The following PELI1 variants were observed in gnomAD, a reference collection of about 807,000 sequenced individuals.
PELI1 encodes pellino E3 ubiquitin protein ligase 1.
PELI1 carries 15 observed loss-of-function variants against 41.3 expected under a neutral mutation model. The ratio of observed to expected loss-of-function variants is 0.36; its 90% CI spans 0.24 to 0.56. The LOEUF (loss-of-function observed/expected upper bound fraction) is 0.56. PELI1 is among the 20% of genes least tolerant of loss of function. The pLI is 0.82. For synonymous variants in PELI1, 178 were observed against 180.1 expected (o/e 0.99, Z 0.09); for missense variants, 403 against 525.5 (o/e 0.77, Z 2.28).
chr2:64,134,400 C>T (rs1196350889), intron 1 of PELI1, among the ~76,000 whole-genome samples: 2 of 152,076 alleles, frequency 1.3e-5, no homozygotes, highest in Non-Finnish European at 2.9e-5. Context: ...ATCCTAGTTC[C>T]TTTGGAGAAC....
At chr2:64,102,246 A>G (rs1014125450) in intron 3 of PELI1, among the ~76,000 whole-genome samples, 1 of 143,394 alleles carries the variant, frequency 7.0e-6, no homozygotes, top group Admixed American at 6.9e-5. Context: ...GATCATTTAC[A>G]TGCATGTTTT....
At chr2:64,102,052 CCT>C (rs1343258371) in intron 3 of PELI1, among the ~76,000 whole-genome samples, 2 of 152,050 alleles carry the variant, frequency 1.3e-5, no homozygotes, top group African/African-American at 4.8e-5. Flanking sequence ...GTCTCGAACT[CCT>C]GACCTCGTGA....
chr2:64,138,682 G>A (rs541827256), intron 1 of PELI1, among the ~76,000 whole-genome samples: 16 of 152,212 alleles, frequency 1.1e-4, no homozygotes, highest in East Asian at 5.8e-4. Flanking sequence ...ACCTGAGATC[G>A]CCCCACTGCA....
Position 64,100,507 on chromosome 2 carries a change from T to A in PELI1, c.202-8A>T. On this transcript the variant is annotated splice_region_variant and splice_polypyrimidine_tract_variant and intron_variant, in intron 3 of 6. Coordinates refer to ENST00000358912, the MANE Select transcript of PELI1 (RefSeq NM_020651.4). ...GTCTTTGTTGCTTATTGCCTAAGAA[T>A]GAAAAAGTTAATAGCAAAAATTAGT... 2 of 1,455,422 alleles carry A rather than the reference T, an allele frequency of 1.4e-6. No individual in the cohort carries two copies. The highest frequency in any genetic ancestry group is 1.9e-6 in the Non-Finnish European group (2 of 1,037,270). 90.2% of individuals were successfully genotyped at this position (1,455,422 alleles called of 1,614,324 possible).
intron 3 of PELI1, among the ~76,000 whole-genome samples, chr2:64,102,869 G>A (rs1029519082): frequency 3.4e-5 from 5 of 146,228 alleles, no homozygotes; most frequent in African/African-American, 7.6e-5. Context: ...CTGAGACAGG[G>A]TCTCACTCTG....
At chr2:64,120,792 A>T (rs1032172786) in intron 1 of PELI1, among the ~76,000 whole-genome samples, 14 of 152,198 alleles carry the variant, frequency 9.2e-5, no homozygotes, top group African/African-American at 3.1e-4. Context: ...ATCTTTTTTT[A>T]AAAAAGTAGT....
intron 3 of PELI1, among the ~76,000 whole-genome samples, chr2:64,102,203 T>C (rs75845877): frequency 0.079 from 11,980 of 152,166 alleles, 710 homozygotes; most frequent in African/African-American, 0.17. Flanking sequence ...CCCTTTTCTC[T>C]ACAGAGGTAT....
chr2:64,100,090 G>A (rs1040529860), intron 4 of PELI1, among the ~76,000 whole-genome samples: 3 of 152,204 alleles, frequency 2.0e-5, no homozygotes, highest in Non-Finnish European at 4.4e-5. Flanking sequence ...GCACAGTGCT[G>A]AGTACTCTAC....
chr2:64,129,515 T>G (rs1681488200), intron 1 of PELI1, among the ~76,000 whole-genome samples: 1 of 152,284 alleles, frequency 6.6e-6, no homozygotes, highest in South Asian at 2.1e-4. Flanking sequence ...TTCAAACAAG[T>G]TTTGTCTAAT....
intron 1 of PELI1, among the ~76,000 whole-genome samples, chr2:64,113,428 T>C (rs1680889905): frequency 6.6e-6 from 1 of 152,206 alleles, no homozygotes; most frequent in Admixed American, 6.5e-5. Flanking sequence ...TTTGACCTCA[T>C]GTATTCAGCC....
Position 64,095,164 on chromosome 2 carries a change from C to T in PELI1, c.795G>A (p.Val265=). The T allele has an allele frequency of 6.2e-7, 1 of 1,614,154 alleles. No homozygotes were observed. Among genetic ancestry groups the T allele is most frequent in the South Asian group, 1.1e-5 (1 of 91,082 alleles). ...TAEGLSHTPT[V]KHLEALRQEI... is the part of the protein sequence containing the mutation. ...CCTGTCTTAAAGCTTCTAAATGCTT[C>T]ACGGTAGGAGTGTGGGAAAGGCCTT... Residue 265 remains valine (V), a synonymous_variant, in exon 7 of 7, where the codon GTG becomes GTA. Coordinates refer to ENST00000358912, the MANE Select transcript of PELI1 (RefSeq NM_020651.4).
chr2:64,139,283 G>C (rs933720714), intron 1 of PELI1, among the ~76,000 whole-genome samples: 2 of 151,994 alleles, frequency 1.3e-5, no homozygotes, highest in Non-Finnish European at 2.9e-5. Flanking sequence ...GAATAAATCA[G>C]GTCATTTTTC....
intron 2 of PELI1, among the ~76,000 whole-genome samples, 177 bp from the exon 3 acceptor site, chr2:64,105,007 CA>C (rs1317851268): frequency 6.6e-6 from 1 of 152,158 alleles, no homozygotes. Flanking sequence ...GTGTGTGAAA[CA>C]AAATGAGATT....
chr2:64,097,287 G>A (rs993362711), intron 4 of PELI1, among the ~76,000 whole-genome samples: 5 of 152,204 alleles, frequency 3.3e-5, no homozygotes, highest in Admixed American at 6.5e-5. Context: ...TCTGTTATGG[G>A]TTGAGAAATC....
At chr2:64,106,348 C>G (rs960420255) in intron 2 of PELI1, 4 of 152,198 alleles carry the variant, frequency 2.6e-5, no homozygotes, top group African/African-American at 9.7e-5. Context: ...CACCAAGTAC[C>G]AGACACAGAG....
At chr2:64,098,181 G>C (rs1432504425) in intron 4 of PELI1, among the ~76,000 whole-genome samples, 2 of 152,146 alleles carry the variant, frequency 1.3e-5, no homozygotes, top group South Asian at 2.1e-4. Context: ...AAACCACCAT[G>C]AATGTGATCA....
chr2:64,116,702 G>C (rs1041405973), intron 1 of PELI1, among the ~76,000 whole-genome samples: 5 of 152,158 alleles, frequency 3.3e-5, no homozygotes, highest in Non-Finnish European at 1.5e-5. Flanking sequence ...TGAAACAATT[G>C]AGTTTTAAAG....
intron 1 of PELI1, among the ~76,000 whole-genome samples, chr2:64,130,845 A>T (rs1681531598): frequency 6.6e-6 from 1 of 152,208 alleles, no homozygotes; most frequent in Non-Finnish European, 1.5e-5. Context: ...TAACACAGGA[A>T]ATAGAAGAAT....
At chr2:64,110,533 A>T (rs1009546613) in intron 1 of PELI1, among the ~76,000 whole-genome samples, 1 of 152,358 alleles carries the variant, frequency 6.6e-6, no homozygotes, top group African/African-American at 2.4e-5. Flanking sequence ...AAAGAACCTT[A>T]AAATATGAGA....
Sources: allele counts gnomAD v4.1 joint callset (sites outside exome capture counted in the v4.1 genomes callset), GRCh38; gene constraint gnomAD v4.1.1; transcripts MANE v1.5; gene names NCBI Gene and HGNC (gene_info 2026-07-23, HGNC 2026-07-21).